Variants in AUTS2 observed in about 807,000 individuals in gnomAD.
AUTS2 encodes the protein activator of transcription and developmental regulator AUTS2.
In AUTS2, 17 loss-of-function variants were observed where a neutral mutation model predicts 112.4. The observed-to-expected ratio is 0.15, with a 90% CI of 0.10 to 0.23. The LOEUF (loss-of-function observed/expected upper bound fraction) is 0.23. AUTS2 is among the 10% of genes least tolerant of loss of function. The probability of loss-of-function intolerance (pLI) is 1.00; values close to 1 mark genes in which losing one functional copy is unlikely to be tolerated. For missense variants in AUTS2, 1,510 were observed against 1,701.6 expected, an observed-to-expected ratio of 0.89 and a Z score of 1.98; for synonymous variants, 751 against 702.7, an observed-to-expected ratio of 1.07 and a Z score of -1.09.
intron 1 of AUTS2, among the ~76,000 whole-genome samples, chr7:69,883,406 C>T (rs755993562): frequency 1.3e-5 from 2 of 150,626 alleles, no homozygotes; most frequent in Non-Finnish European, 2.9e-5. Context: ...GAGAAGAAAA[C>T]TGATTGCTCT....
intron 5 of AUTS2, among the ~76,000 whole-genome samples, chr7:70,626,081 T>A (rs532301723): frequency 2.0e-5 from 3 of 152,066 alleles, no homozygotes; most frequent in Non-Finnish European, 4.4e-5. Flanking sequence ...CCCAGCTAAT[T>A]TTTGTATTTT....
In AUTS2 at chr7:70,254,088, G is replaced by A. The variant is rs546671875; in HGVS notation, c.660+119517G>A. Among the ~76,000 whole-genome samples, 14 of 152,212 alleles carry A rather than the reference G, an allele frequency of 9.2e-5. No individual in the cohort carries two copies. In the East Asian group the frequency reaches 2.7e-3, roughly 29 times the overall value. ...CTTACTTTCTGTCTAGCTCATGGAT[G>A]TAGATTAGAATAATATTTTAAACTT... On this transcript the variant is annotated intron_variant, in intron 4 of 18. Transcript: ENST00000342771.
chr7:69,964,711 A>G (rs1383138077), intron 2 of AUTS2, among the ~76,000 whole-genome samples: 1 of 151,636 alleles, frequency 6.6e-6, no homozygotes, highest in Non-Finnish European at 1.5e-5. Flanking sequence ...CAAACGGGGA[A>G]CGATCACAAG....
intron 5 of AUTS2, among the ~76,000 whole-genome samples, chr7:70,623,135 C>CA (rs1264947948): frequency 1.3e-5 from 2 of 152,256 alleles, no homozygotes; most frequent in East Asian, 1.9e-4. Flanking sequence ...CACAGTTATC[C>CA]AATACCAGCA....
intron 2 of AUTS2, among the ~76,000 whole-genome samples, chr7:70,102,178 G>A (rs896179176): frequency 6.7e-6 from 1 of 149,570 alleles, no homozygotes; most frequent in Non-Finnish European, 1.5e-5. Context: ...GAGTGCAGTG[G>A]CGTGATCTCG....
At chr7:70,340,593 C>T (rs142523325) in intron 4 of AUTS2, among the ~76,000 whole-genome samples, 211 of 152,072 alleles carry the variant, frequency 1.4e-3, no homozygotes, top group African/African-American at 4.4e-3. Flanking sequence ...TTGCTGGGGA[C>T]GGTTAGTTCA....
intron 1 of AUTS2, among the ~76,000 whole-genome samples, chr7:69,728,324 C>T (rs552988658): frequency 1.3e-5 from 2 of 152,324 alleles, no homozygotes; most frequent in African/African-American, 4.8e-5. Context: ...GCCAACAAAC[C>T]ACCAACTTGA....
At chr7:70,505,581 C>A (rs1798928104) in intron 5 of AUTS2, among the ~76,000 whole-genome samples, 1 of 152,162 alleles carries the variant, frequency 6.6e-6, no homozygotes, top group African/African-American at 2.4e-5. Flanking sequence ...AGATGGAGAG[C>A]TTTGCCTCTC....
At chr7:69,926,743 A>G (rs1477402544) in intron 2 of AUTS2, among the ~76,000 whole-genome samples, 1 of 147,462 alleles carries the variant, frequency 6.8e-6, no homozygotes, top group Admixed American at 6.8e-5. Context: ...TTGTGGTTGC[A>G]TTAGGGAAAT....
At chr7:69,807,639 T>C (rs1289020949) in intron 1 of AUTS2, among the ~76,000 whole-genome samples, 3 of 152,180 alleles carry the variant, frequency 2.0e-5, no homozygotes, top group Non-Finnish European at 4.4e-5. Flanking sequence ...CTTTTAATGT[T>C]TAGTTTCCTG....
rs745358887 is a variant in AUTS2, at chr7:70,430,828, C to CTTTTTTT, written c.661-4905_661-4899dup. On this transcript the variant is annotated intron_variant, in intron 4 of 18. Coordinates refer to ENST00000342771, the MANE Select transcript of AUTS2 (RefSeq NM_015570.4). The stretch of plus-strand genomic sequence containing the variant: ...TCCACATAGCAGATTGCAGTGTCGC[C>CTTTTTTT]TTTTTTTTTTTTTTTTTTTTTTTTT... Among the ~76,000 whole-genome samples the CTTTTTTT allele has an allele frequency of 2.9e-4, 27 of 94,512 alleles. 1 individual carries two copies. Among genetic ancestry groups the CTTTTTTT allele is most frequent in the African/African-American group, 4.4e-4 (10 of 22,716 alleles). 62.0% of individuals were successfully genotyped at this position (94,512 alleles called of 152,430 possible).
chr7:70,300,722 T>C (rs1340297087), intron 4 of AUTS2, among the ~76,000 whole-genome samples: 1 of 152,216 alleles, frequency 6.6e-6, no homozygotes, highest in East Asian at 1.9e-4. Flanking sequence ...TTCCAGGAAA[T>C]ATTTTTTACC....
intron 4 of AUTS2, among the ~76,000 whole-genome samples, chr7:70,149,716 T>C (rs1048298172): frequency 1.3e-5 from 2 of 152,096 alleles, no homozygotes; most frequent in Admixed American, 1.3e-4. Flanking sequence ...GTTTTAGTAT[T>C]CTATCTTAAT....
intron 4 of AUTS2, among the ~76,000 whole-genome samples, chr7:70,243,663 G>A (rs1324779786): frequency 1.3e-5 from 2 of 152,048 alleles, no homozygotes; most frequent in Non-Finnish European, 2.9e-5. Context: ...CCAAAGTAGT[G>A]ACACATGGCA....
At position 70,001,488 on chromosome 7, in the gene AUTS2, TG is replaced by T. The variant is rs1378247221; in HGVS notation, c.522+101992del. On this transcript the variant is annotated intron_variant, in intron 2 of 18. Transcript: ENST00000342771. The stretch of plus-strand genomic sequence containing the variant: ...AAAGGTGATTATTGCCAATGGTGGT[TG>T]GTATAGTGCTGAGTGATACAGAATG... Among the ~76,000 whole-genome samples, 21 of 152,056 alleles carry T rather than the reference TG, an allele frequency of 1.4e-4. No individual in the cohort carries two copies. In the South Asian group the frequency reaches 4.4e-3, roughly 32 times the overall value.
At chr7:70,481,824 G>T (rs763463168) in intron 5 of AUTS2, among the ~76,000 whole-genome samples, 2 of 152,136 alleles carry the variant, frequency 1.3e-5, no homozygotes, top group African/African-American at 2.4e-5. Context: ...TTGCTTAGGG[G>T]TCTGAAAAAT....
chr7:70,274,371 T>C (rs2129609461), intron 4 of AUTS2, among the ~76,000 whole-genome samples: 1 of 152,218 alleles, frequency 6.6e-6, no homozygotes, highest in East Asian at 1.9e-4. Flanking sequence ...ATGACTCTAC[T>C]GCAGTCTAAA....
At chr7:70,247,168 T>C (rs1812968801) in intron 4 of AUTS2, among the ~76,000 whole-genome samples, 1 of 152,162 alleles carries the variant, frequency 6.6e-6, no homozygotes, top group African/African-American at 2.4e-5. Flanking sequence ...ATTTATACAA[T>C]GGAATATTAT....
intron 2 of AUTS2, among the ~76,000 whole-genome samples, chr7:69,955,275 AGGACT>A (rs913943189): frequency 1.3e-5 from 2 of 152,150 alleles, no homozygotes; most frequent in African/African-American, 4.8e-5. Context: ...GCTATCAAAG[AGGACT>A]TGCCAGTTAG....
Sources: allele counts gnomAD v4.1 joint callset (sites outside exome capture counted in the v4.1 genomes callset), GRCh38; gene constraint gnomAD v4.1.1; transcripts MANE v1.5; gene names NCBI Gene and HGNC (gene_info 2026-07-23, HGNC 2026-07-21).